Variants in CDYL2 observed in about 807,000 individuals in gnomAD.
CDYL2 encodes the protein chromodomain Y-like protein 2.
In CDYL2, 23 loss-of-function variants were observed where a neutral mutation model predicts 49.4. The observed-to-expected ratio is 0.47, with a 90% confidence interval of 0.34 to 0.66. CDYL2 has a LOEUF of 0.66. Among genes scored for constraint, CDYL2 ranks in the 30% least tolerant of loss-of-function variants. The pLI is 0.01. For synonymous variants in CDYL2, 360 were observed against 268.8 expected, an observed-to-expected ratio of 1.34 and a Z score of -3.32; for missense variants, 678 against 656.4, an observed-to-expected ratio of 1.03 and a Z score of -0.36.
At chr16:80,641,753 G>T (rs1447520255) in intron 2 of CDYL2, among the ~76,000 whole-genome samples, 1 of 112,426 alleles carries the variant, frequency 8.9e-6, no homozygotes, top group Admixed American at 1.1e-4. Flanking sequence ...GTTGTGGGGT[G>T]GGGGGAGGGG....
At chr16:80,616,187 C>T (rs897731223) in intron 4 of CDYL2, among the ~76,000 whole-genome samples, 1 of 152,220 alleles carries the variant, frequency 6.6e-6, no homozygotes, top group East Asian at 1.9e-4. Flanking sequence ...AATGGTGAGA[C>T]CTTGGACAGG....
intron 2 of CDYL2, 78 bp from the exon 3 acceptor site, chr16:80,633,314 A>G: frequency 6.9e-7 from 1 of 1,440,664 alleles, no homozygotes; most frequent in Non-Finnish European, 9.6e-7. Context: ...GGACGTTGGG[A>G]TTTCCAATGG....
At chr16:80,745,282 T>C (rs1905887609) in intron 1 of CDYL2, among the ~76,000 whole-genome samples, 1 of 152,156 alleles carries the variant, frequency 6.6e-6, no homozygotes, top group Non-Finnish European at 1.5e-5. Context: ...AGCCAACCTC[T>C]TCTGTGTCAC....
chr16:80,795,374 C>T (rs760507442), intron 1 of CDYL2, among the ~76,000 whole-genome samples: 2 of 152,102 alleles, frequency 1.3e-5, no homozygotes, highest in Non-Finnish European at 2.9e-5. Context: ...GCAGCGGTGG[C>T]CTTTATAAGA....
intron 1 of CDYL2, among the ~76,000 whole-genome samples, chr16:80,726,530 T>G (rs545407885): frequency 1.3e-5 from 2 of 152,330 alleles, no homozygotes; most frequent in South Asian, 2.1e-4. Context: ...GCAATACATA[T>G]TTACTGAATG....
chr16:80,795,916 A>T (rs936717767), intron 1 of CDYL2, among the ~76,000 whole-genome samples: 4 of 152,260 alleles, frequency 2.6e-5, no homozygotes, highest in African/African-American at 9.6e-5. Flanking sequence ...TTTCAAAAAT[A>T]GAAGAGATCT....
intron 1 of CDYL2, among the ~76,000 whole-genome samples, chr16:80,712,191 G>GTGTATA (rs1555532109): frequency 1.0e-4 from 11 of 107,932 alleles, no homozygotes; most frequent in South Asian, 6.6e-4. Context: ...GTCTGTGTGT[G>GTGTATA]TATATATATA....
At chr16:80,764,720 AATT>A (rs1291188373) in intron 1 of CDYL2, among the ~76,000 whole-genome samples, 1 of 152,052 alleles carries the variant, frequency 6.6e-6, no homozygotes, top group Non-Finnish European at 1.5e-5. Flanking sequence ...AAATAATAAT[AATT>A]AAGTGGGTCT....
chr16:80,713,587 G>C (rs1173114505), intron 1 of CDYL2, among the ~76,000 whole-genome samples: 9 of 152,208 alleles, frequency 5.9e-5, no homozygotes, highest in Non-Finnish European at 1.3e-4. Flanking sequence ...CCATCCTATG[G>C]CTGGGTGTGG....
chr16:80,614,628 GGCCGAGGTGGA>G (rs1906744561), intron 4 of CDYL2, among the ~76,000 whole-genome samples: 4 of 152,216 alleles, frequency 2.6e-5, no homozygotes, highest in Admixed American at 6.5e-5. Context: ...CAGTGTGGGA[GGCCGAGGTGGA>G]TGGATCACAA....
At chr16:80,621,740 C>T (rs1907093249) in intron 3 of CDYL2, among the ~76,000 whole-genome samples, 1 of 152,216 alleles carries the variant, frequency 6.6e-6, no homozygotes. Flanking sequence ...ACTGTGCTGG[C>T]CACCCTGCCA....
At chr16:80,635,375 G>A (rs755845567) in intron 2 of CDYL2, among the ~76,000 whole-genome samples, 2 of 152,106 alleles carry the variant, frequency 1.3e-5, no homozygotes, top group African/African-American at 4.8e-5. Flanking sequence ...AAAGTCTCAG[G>A]ATACAAAATC....
chr16:80,746,951 T>C (rs926273367), intron 1 of CDYL2, among the ~76,000 whole-genome samples: 1 of 152,130 alleles, frequency 6.6e-6, no homozygotes, highest in Admixed American at 6.5e-5. Flanking sequence ...TAGGACTATA[T>C]TCCAATATGG....
In CDYL2 at chr16:80,723,689, G is replaced by A. The variant is rs144738436; in HGVS notation, c.25-38560C>T. ...TAAATAAAGTTTTATTGATAACACA[G>A]CTGTGCCATTCGTTTACATACTTCT... On this transcript the variant is annotated intron_variant, in intron 1 of 6. Transcript: ENST00000570137. Among the ~76,000 whole-genome samples, 51 of 152,308 alleles carry A rather than the reference G, an allele frequency of 3.3e-4. No homozygotes were observed. The East Asian group carries it at 7.2e-3, about 21-fold the overall frequency.
intron 1 of CDYL2, among the ~76,000 whole-genome samples, chr16:80,730,671 A>T (rs1179814088): frequency 1.3e-5 from 2 of 152,192 alleles, no homozygotes; most frequent in Non-Finnish European, 2.9e-5. Context: ...TTAGACCAAT[A>T]CCCTTGATGA....
chr16:80,673,635 T>A (rs1433543867), intron 2 of CDYL2, among the ~76,000 whole-genome samples: 2 of 152,186 alleles, frequency 1.3e-5, no homozygotes, highest in Non-Finnish European at 2.9e-5. Context: ...CATTCAAGAA[T>A]ACAAACCCAT....
chr16:80,783,596 A>G (rs1045775291), intron 1 of CDYL2, among the ~76,000 whole-genome samples: 4 of 152,256 alleles, frequency 2.6e-5, no homozygotes, highest in Admixed American at 2.6e-4. Context: ...ATGTCCACCA[A>G]CGGATGAATG....
In CDYL2 at chr16:80,774,877, G is replaced by A. The variant is rs568209250; in HGVS notation, c.24+29273C>T. Among the ~76,000 whole-genome samples the A allele has an allele frequency of 1.3e-4, 20 of 148,988 alleles. No individual in the cohort carries two copies. The South Asian group carries it at 1.9e-3, about 14-fold the overall frequency. ...CAGGATAGGAAGGAGAAAAGGCATA[G>A]AAACTGACTGAATTTAGCTAAATAT... On this transcript the variant is annotated intron_variant, in intron 1 of 6. Coordinates refer to ENST00000570137, the MANE Select transcript of CDYL2 (RefSeq NM_152342.4).
chr16:80,608,715 C>T (rs191062629), intron 5 of CDYL2, among the ~76,000 whole-genome samples: 174 of 152,196 alleles, frequency 1.1e-3, no homozygotes, highest in African/African-American at 3.9e-3. Context: ...AGGCTAACAT[C>T]AGTGAGCCCA....
Sources: gnomAD v4.1 joint callset for allele counts (sites outside exome capture counted in the v4.1 genomes callset) on GRCh38, gnomAD v4.1.1 for gene constraint, MANE v1.5 for transcripts, NCBI Gene and HGNC (gene_info 2026-07-23, HGNC 2026-07-21) for gene names.